Variants in BPIFC observed in about 807,000 individuals in gnomAD.
The protein encoded by BPIFC is BPI fold containing family C, also known as BPI fold-containing family C protein.
In BPIFC, 60 loss-of-function variants were observed where a neutral mutation model predicts 57.6. That is an observed-to-expected ratio of 1.04 (90% CI 0.85 to 1.29). The LOEUF is 1.29. BPIFC is among the 50% of genes most tolerant of loss of function. BPIFC has a pLI of 0.00. For synonymous variants in BPIFC, 243 were observed against 224.5 expected (o/e 1.08, Z -0.74); for missense variants, 581 against 600.5 (o/e 0.97, Z 0.34).
intron 13 of BPIFC, among the ~76,000 whole-genome samples, chr22:32,429,427 C>T (rs148188507): frequency 0.061 from 9,238 of 150,904 alleles, 328 homozygotes; most frequent in African/African-American, 0.1. Context: ...AGGATGGTCT[C>T]GATCTCCTGA....
At chr22:32,434,606 G>A (rs576067045) in intron 10 of BPIFC, among the ~76,000 whole-genome samples, 26 of 151,724 alleles carry the variant, frequency 1.7e-4, no homozygotes, top group African/African-American at 5.1e-4. Context: ...AGTCATTAAC[G>A]ATAAGCCTTG....
At chr22:32,447,535 C>A (rs1376049901) in intron 4 of BPIFC, among the ~76,000 whole-genome samples, 195 bp from the exon 5 acceptor site, 4 of 152,024 alleles carry the variant, frequency 2.6e-5, no homozygotes, top group African/African-American at 9.7e-5. Flanking sequence ...CCAGGAAGTC[C>A]CTTGAATCCA....
intron 3 of BPIFC, among the ~76,000 whole-genome samples, chr22:32,456,119 C>T (rs897275333): frequency 6.6e-6 from 1 of 152,188 alleles, no homozygotes; most frequent in Non-Finnish European, 1.5e-5. Flanking sequence ...TGACTCTGCT[C>T]CAGAAGGTGA....
At chr22:32,429,199 TTTTTTTCTTTTTC>T (rs1487588185) in intron 13 of BPIFC, among the ~76,000 whole-genome samples, 1 of 121,790 alleles carries the variant, frequency 8.2e-6, no homozygotes, top group Non-Finnish European at 1.9e-5. Flanking sequence ...GTTTCTTTTC[TTTTTTTCTTTTTC>T]TTTTTTTTTT....
intron 13 of BPIFC, among the ~76,000 whole-genome samples, chr22:32,427,985 TCAAAACAAAA>T (rs1156384638): frequency 6.6e-6 from 1 of 151,990 alleles, no homozygotes; most frequent in Admixed American, 6.6e-5. Flanking sequence ...AGATTCTGTC[TCAAAACAAAA>T]CAGAACAAAA....
chr22:32,417,186 G>T (rs748431624), intron 14 of BPIFC, 38 bp from the exon 15 acceptor site: 2 of 1,367,426 alleles, frequency 1.5e-6, no homozygotes, highest in Non-Finnish European at 2.0e-6. Flanking sequence ...TTGGCAGATC[G>T]GGCTTTTTTT....
chr22:32,437,230 G>T (rs1265954373), intron 9 of BPIFC, among the ~76,000 whole-genome samples: 1 of 152,160 alleles, frequency 6.6e-6, no homozygotes, highest in Non-Finnish European at 1.5e-5. Flanking sequence ...GACATATGTT[G>T]TACAATACAA....
At chr22:32,427,705 T>C (rs1934107280) in intron 13 of BPIFC, among the ~76,000 whole-genome samples, 1 of 152,104 alleles carries the variant, frequency 6.6e-6, no homozygotes, top group African/African-American at 2.4e-5. Flanking sequence ...TCATCCTCTG[T>C]ATTAGAACTG....
chr22:32,415,992 C>T lies in BPIFC; in HGVS notation c.1325-1G>A. The T allele has an allele frequency of 2.5e-6, 4 of 1,576,712 alleles. No homozygotes were observed. The highest frequency in any genetic ancestry group is 3.4e-6 in the Non-Finnish European group (4 of 1,161,404). On this transcript the variant is annotated splice_acceptor_variant, in intron 15 of 16. Coordinates refer to ENST00000300399, the MANE Select transcript of BPIFC (RefSeq NM_174932.3). LOFTEE classifies it high-confidence loss of function. The stretch of plus-strand genomic sequence containing the variant: ...AGAGGAAATCCTTGCTGCAATTTTG[C>T]TAAAATATAGAACAAGACGTAAAAC...
intron 4 of BPIFC, among the ~76,000 whole-genome samples, chr22:32,447,793 G>A (rs1345184851): frequency 2.0e-5 from 3 of 151,496 alleles, no homozygotes; most frequent in Non-Finnish European, 4.4e-5. Context: ...TTTTTTTGTA[G>A]AGGCAGGATC....
Position 32,413,961 on chromosome 22 carries a change from C to G in BPIFC, c.*342G>C, listed in dbSNP as rs763946494. ...CACTAGAGGGCCTAAGGGATTTCCA[C>G]TGAGAATGACCAATACAAATACAGA... On this transcript the variant is annotated 3_prime_UTR_variant, in exon 17 of 17. Coordinates refer to ENST00000300399, the MANE Select transcript of BPIFC (RefSeq NM_174932.3). 1.2e-5 allele frequency: 2 copies of G among 163,552 alleles called. No homozygotes were observed. The highest frequency in any genetic ancestry group is 1.3e-4 in the Admixed American group (2 of 15,708). The allele number at this position is 163,552 out of a possible 1,614,324, so 10.1% of individuals were successfully genotyped here.
chr22:32,429,526 T>G (rs961452254), intron 13 of BPIFC, among the ~76,000 whole-genome samples: 2 of 139,106 alleles, frequency 1.4e-5, no homozygotes, highest in Non-Finnish European at 1.5e-5. Flanking sequence ...TTTTTTTTTT[T>G]TTTTTTTTTT....
intron 3 of BPIFC, among the ~76,000 whole-genome samples, chr22:32,455,133 C>T (rs989627091): frequency 3.4e-5 from 5 of 148,330 alleles, no homozygotes; most frequent in Non-Finnish European, 7.4e-5. Context: ...TCACTGCAAC[C>T]TCTGCCTCCT....
intron 13 of BPIFC, among the ~76,000 whole-genome samples, chr22:32,429,300 G>A (rs536361753): frequency 4.6e-5 from 7 of 151,292 alleles, no homozygotes; most frequent in South Asian, 4.2e-4. Flanking sequence ...TCGGCCTCCC[G>A]AGTTCACGCC....
chr22:32,414,315 C>T lies in BPIFC; in HGVS notation c.1512G>A (p.Lys504=), dbSNP rs759135789. The part of the protein sequence containing the change: ...LNLISRQWRG[K]SAP ...TGCAAACCGGCAATCAAGGGGCTGACTTCCCCCTCCACTGTCTGCTTATCA... is the reference window on the plus strand; with the variant it reads ...TGCAAACCGGCAATCAAGGGGCTGATTTCCCCCTCCACTGTCTGCTTATCA... The change falls in exon 17 of 17, where the codon AAG becomes AAA. Residue 504 remains lysine (K), a synonymous_variant. Coordinates refer to ENST00000300399, the MANE Select transcript of BPIFC (RefSeq NM_174932.3). The T allele has an allele frequency of 6.2e-7, 1 of 1,613,452 alleles. No individual in the cohort carries two copies. The highest frequency in any genetic ancestry group is 2.2e-5 in the East Asian group (1 of 44,858).
Position 32,445,634 on chromosome 22 carries a change from C to T in BPIFC, c.594+1G>A, listed in dbSNP as rs778407535. 3 of 1,575,076 alleles carry T rather than the reference C, an allele frequency of 1.9e-6. No individual in the cohort carries two copies. The highest frequency in any genetic ancestry group is 1.8e-5 in the Admixed American group (1 of 56,324). ...TGGTTGCCTAACCTCTAAAGACTCA[C>T]CATTTCATTTAAGTTCTTTAAAATG... On this transcript the variant is annotated splice_donor_variant, in intron 7 of 16. Coordinates refer to ENST00000300399, the MANE Select transcript of BPIFC (RefSeq NM_174932.3). LOFTEE classifies it high-confidence loss of function.
intron 13 of BPIFC, among the ~76,000 whole-genome samples, chr22:32,426,019 G>A (rs117348649): frequency 0.018 from 2,800 of 152,290 alleles, 33 homozygotes; most frequent in African/African-American, 0.033. Flanking sequence ...AACCAGACCA[G>A]CTAGTCTGAC....
At chr22:32,448,411 T>C (rs766951112) in intron 4 of BPIFC, among the ~76,000 whole-genome samples, 1 of 152,096 alleles carries the variant, frequency 6.6e-6, no homozygotes, top group Non-Finnish European at 1.5e-5. Flanking sequence ...ATCATACACA[T>C]TACAGGACAT....
chr22:32,440,417 C>A (rs571851795), intron 8 of BPIFC, among the ~76,000 whole-genome samples: 10 of 152,338 alleles, frequency 6.6e-5, no homozygotes, highest in African/African-American at 2.2e-4. Flanking sequence ...GCTAGGATTA[C>A]AGGAGTGAGC....
Sources: allele counts gnomAD v4.1 joint callset (sites outside exome capture counted in the v4.1 genomes callset), GRCh38; gene constraint gnomAD v4.1.1; transcripts MANE v1.5; gene names NCBI Gene and HGNC (gene_info 2026-07-23, HGNC 2026-07-21).